DAB1: variants seen among roughly 807,000 people sequenced by gnomAD.
DAB1 encodes disabled homolog 1.
Under a neutral mutation model 64.6 loss-of-function variants are expected in DAB1, and 15 were observed. The ratio of observed to expected loss-of-function variants is 0.23; its 90% CI spans 0.16 to 0.36. The LOEUF (loss-of-function observed/expected upper bound fraction) is 0.36. DAB1 is among the 10% of genes least tolerant of loss of function. The probability of loss-of-function intolerance (pLI) is 1.00; values close to 1 mark genes in which losing one functional copy is unlikely to be tolerated. For synonymous variants in DAB1, 235 were observed against 251.9 expected, an observed-to-expected ratio of 0.93 and a Z score of 0.64; for missense variants, 596 against 706.7, an observed-to-expected ratio of 0.84 and a Z score of 1.78.
At chr1:57,382,828 A>G (rs1195670515) in intron 1 of DAB1, among the ~76,000 whole-genome samples, 2 of 152,130 alleles carry the variant, frequency 1.3e-5, no homozygotes, top group African/African-American at 4.8e-5. Context: ...TTTTCCATAT[A>G]AGAATAACAT....
chr1:57,818,710 C>T (rs1651981388), intron 6 of DAB1, among the ~76,000 whole-genome samples: 1 of 150,912 alleles, frequency 6.6e-6, no homozygotes, highest in East Asian at 1.9e-4. Context: ...GTAGCTTAAA[C>T]TTGAATATAT....
intron 6 of DAB1, among the ~76,000 whole-genome samples, chr1:57,808,707 T>C (rs1175145765): frequency 6.6e-6 from 1 of 152,210 alleles, no homozygotes; most frequent in East Asian, 1.9e-4. Flanking sequence ...TTAATTAGAA[T>C]AATAATGATC....
intron 3 of DAB1, among the ~76,000 whole-genome samples, chr1:58,499,258 G>A (rs1189248222): frequency 6.9e-6 from 1 of 143,976 alleles, no homozygotes; most frequent in African/African-American, 2.6e-5. Flanking sequence ...AGGAGGTGTT[G>A]GTCAAAAAGT....
intron 3 of DAB1, among the ~76,000 whole-genome samples, chr1:58,345,736 G>A (rs1170088549): frequency 6.6e-6 from 1 of 152,000 alleles, no homozygotes; most frequent in Non-Finnish European, 1.5e-5. Flanking sequence ...TGCCTAAGAG[G>A]ACCTCTGGCC....
At position 57,869,608 on chromosome 1, in the gene DAB1, G is replaced by C. The variant is rs148022441; in HGVS notation, n.87+14391C>G. On this transcript the variant is annotated intron_variant and non_coding_transcript_variant, in intron 1 of 1. Coordinates refer to the DAB1 transcript ENST00000477280. Reference sequence around the variant, plus strand: ...ACAAGGTAATAGAAGTCAAAGTCACGTGCCAGCTAGGCCTGCTACCCTCCT... The same window carrying C: ...ACAAGGTAATAGAAGTCAAAGTCACCTGCCAGCTAGGCCTGCTACCCTCCT... Among the ~76,000 whole-genome samples, 4 of 152,168 alleles carry C rather than the reference G, an allele frequency of 2.6e-5. No individual in the cohort carries two copies. The East Asian group carries it at 7.8e-4, about 30-fold the overall frequency.
chr1:58,183,115 T>C (rs755130110), intron 4 of DAB1, among the ~76,000 whole-genome samples: 42 of 152,158 alleles, frequency 2.8e-4, no homozygotes, highest in Non-Finnish European at 4.6e-4. Context: ...AGATTACCCC[T>C]GGTAAGCATA....
intron 7 of DAB1, among the ~76,000 whole-genome samples, chr1:57,572,184 G>A (rs1277418744): frequency 2.6e-5 from 4 of 152,120 alleles, no homozygotes; most frequent in African/African-American, 9.7e-5. Context: ...GCAAGGTTAG[G>A]CCAAAACCAC....
intron 4 of DAB1, among the ~76,000 whole-genome samples, chr1:57,116,372 G>C (rs1398461091): frequency 7.0e-6 from 1 of 142,256 alleles, no homozygotes; most frequent in African/African-American, 2.6e-5. Flanking sequence ...TGAGGCAGGA[G>C]AATCACTTGA....
At chr1:58,139,677 T>A (rs915195745) in intron 5 of DAB1, among the ~76,000 whole-genome samples, 4 of 152,152 alleles carry the variant, frequency 2.6e-5, no homozygotes, top group African/African-American at 9.7e-5. Flanking sequence ...TTACCGAGCA[T>A]GGTACTAAAA....
intron 6 of DAB1, among the ~76,000 whole-genome samples, chr1:57,787,992 A>T (rs913055284): frequency 1.2e-4 from 10 of 85,180 alleles, no homozygotes; most frequent in African/African-American, 9.0e-4. Flanking sequence ...TTAAATATTA[A>T]AAAAAAAACA....
intron 2 of DAB1, among the ~76,000 whole-genome samples, chr1:57,188,414 G>A (rs1322888564): frequency 1.3e-5 from 2 of 152,156 alleles, no homozygotes. Flanking sequence ...ATGGCTCAAT[G>A]GGAGGAATAA....
chr1:57,045,633 G>A (rs1010965097), intron 9 of DAB1, among the ~76,000 whole-genome samples: 2 of 152,102 alleles, frequency 1.3e-5, no homozygotes, highest in South Asian at 4.1e-4. Context: ...GGGAAGCGGA[G>A]GTTGCAGTGA....
intron 1 of DAB1, among the ~76,000 whole-genome samples, chr1:57,407,499 G>A (rs895001913): frequency 2.0e-5 from 3 of 152,178 alleles, no homozygotes; most frequent in Non-Finnish European, 4.4e-5. Context: ...GATAAAGGCT[G>A]AAGGAGAGAA....
chr1:58,412,966 G>A (rs528081291), intron 3 of DAB1, among the ~76,000 whole-genome samples: 1 of 152,306 alleles, frequency 6.6e-6, no homozygotes, highest in South Asian at 2.1e-4. Flanking sequence ...ATAAGTTAAA[G>A]CTTTAGTCCC....
intron 1 of DAB1, among the ~76,000 whole-genome samples, chr1:57,832,281 A>G (rs72918516): frequency 0.044 from 6,737 of 152,256 alleles, 527 homozygotes; most frequent in African/African-American, 0.15. Flanking sequence ...TTTTGGAGAT[A>G]CTTCCTATCT....
chr1:58,379,687 G>A (rs1353876915), intron 3 of DAB1, among the ~76,000 whole-genome samples: 1 of 152,216 alleles, frequency 6.6e-6, no homozygotes, highest in East Asian at 1.9e-4. Flanking sequence ...CTTCCCCAAT[G>A]AGCTGATAGT....
chr1:57,451,471 T>C (rs571065313), intron 7 of DAB1, among the ~76,000 whole-genome samples: 1 of 152,296 alleles, frequency 6.6e-6, no homozygotes, highest in South Asian at 2.1e-4. Flanking sequence ...TGTGTTAAAA[T>C]ATGTTTTGTG....
intron 4 of DAB1, among the ~76,000 whole-genome samples, chr1:57,117,942 G>A (rs1332647752): frequency 1.3e-5 from 2 of 152,200 alleles, no homozygotes; most frequent in East Asian, 3.9e-4. Context: ...CTGTGACCTA[G>A]TGTTCAGCTG....
At chr1:58,161,335 G>A (rs1309389955) in intron 4 of DAB1, among the ~76,000 whole-genome samples, 1 of 152,140 alleles carries the variant, frequency 6.6e-6, no homozygotes, top group Non-Finnish European at 1.5e-5. Context: ...CTGGGAAGTG[G>A]AATAAAACGA....
Sources: gnomAD v4.1 joint callset for allele counts (sites outside exome capture counted in the v4.1 genomes callset) on GRCh38, gnomAD v4.1.1 for gene constraint, MANE v1.5 for transcripts, NCBI Gene and HGNC (gene_info 2026-07-23, HGNC 2026-07-21) for gene names.